The following SLC22A25 variants were observed in gnomAD, a reference collection of about 807,000 sequenced individuals.
SLC22A25 encodes MGI:2442751, MGI:2385316, MGI:3042283, MGI:3645714, MGI:3605624, MGI:2442750.
SLC22A25 carries 44 observed loss-of-function variants against 45.9 expected under a neutral mutation model. That is an observed-to-expected ratio of 0.96 (90% CI 0.75 to 1.23). The LOEUF (loss-of-function observed/expected upper bound fraction) is 1.23, where lower values mean the gene tolerates loss of function less well. Ranked by LOEUF, SLC22A25 falls within the 50% of genes most tolerant of loss-of-function variation. The pLI is 0.00. For missense variants in SLC22A25, 800 were observed against 666.4 expected (o/e 1.20, Z -2.21); for synonymous variants, 283 against 238.6 (o/e 1.19, Z -1.72).
chr11:63,216,754 A>T (rs1418413912), intron 7 of SLC22A25, among the ~76,000 whole-genome samples: 4 of 152,232 alleles, frequency 2.6e-5, no homozygotes, highest in African/African-American at 9.6e-5. Flanking sequence ...TGTACAACGA[A>T]TCCTCATTAT....
chr11:63,168,330 C>G (rs2087757457), intron 9 of SLC22A25, among the ~76,000 whole-genome samples: 1 of 152,084 alleles, frequency 6.6e-6, no homozygotes, highest in Admixed American at 6.5e-5. Context: ...GACAAATTGA[C>G]AGAAGTAGGC....
At chr11:63,186,006 G>T (rs7927252) in intron 7 of SLC22A25, among the ~76,000 whole-genome samples, 3 of 151,842 alleles carry the variant, frequency 2.0e-5, no homozygotes, top group East Asian at 1.9e-4. Context: ...ATAAACATAC[G>T]TGTGCATGTG....
chr11:63,235,404 A>G (rs2090146156), intron 3 of SLC22A25, among the ~76,000 whole-genome samples: 1 of 152,052 alleles, frequency 6.6e-6, no homozygotes, highest in South Asian at 2.1e-4. Context: ...TTGATCTTCC[A>G]TCACTCATAC....
intron 7 of SLC22A25, among the ~76,000 whole-genome samples, chr11:63,202,121 T>C (rs914087381): frequency 5.3e-5 from 8 of 152,168 alleles, no homozygotes; most frequent in Non-Finnish European, 8.8e-5. Context: ...GCCCAGATAC[T>C]ATGCTTTTCA....
intron 7 of SLC22A25, among the ~76,000 whole-genome samples, chr11:63,197,016 G>C (rs1045116558): frequency 6.6e-6 from 1 of 152,052 alleles, no homozygotes; most frequent in African/African-American, 2.4e-5. Flanking sequence ...TTACTTCAAA[G>C]AGAATAAAAT....
At chr11:63,209,960 G>C (rs1486141342) in intron 7 of SLC22A25, among the ~76,000 whole-genome samples, 2 of 152,196 alleles carry the variant, frequency 1.3e-5, no homozygotes, top group African/African-American at 4.8e-5. Context: ...ACATGGAATG[G>C]CTGCAGCTAT....
intron 7 of SLC22A25, among the ~76,000 whole-genome samples, chr11:63,203,026 T>C (rs1369382784): frequency 1.3e-5 from 2 of 151,906 alleles, no homozygotes; most frequent in African/African-American, 2.4e-5. Flanking sequence ...GGGTCTGGAG[T>C]GGACCTCCAG....
chr11:63,210,159 A>G (rs2089519040), intron 7 of SLC22A25, among the ~76,000 whole-genome samples: 1 of 152,218 alleles, frequency 6.6e-6, no homozygotes, highest in South Asian at 2.1e-4. Context: ...GATAAAAATG[A>G]CCTTTGTCAG....
chr11:63,164,747 CT>C (rs770227415), intron 10 of SLC22A25, 113 bp from the exon 11 acceptor site: 85 of 800,716 alleles, frequency 1.1e-4, no homozygotes, highest in Non-Finnish European at 1.5e-4. Context: ...GTAAAATGTA[CT>C]GTAGGAAAAC....
At chr11:63,217,273 C>T in intron 7 of SLC22A25, 41 bp downstream of exon 7, 1 of 1,596,662 alleles carries the variant, frequency 6.3e-7, no homozygotes. Flanking sequence ...CATCTGCATT[C>T]AAGGATGTCA....
chr11:63,167,410 C>T (rs1359069595), intron 9 of SLC22A25: 6 of 152,350 alleles, frequency 3.9e-5, no homozygotes, highest in African/African-American at 1.4e-4. Context: ...AAGCTAAGAA[C>T]CACTGGCTTG....
At chr11:63,183,863 AT>A in intron 7 of SLC22A25, 46 bp from the exon 8 acceptor site, 1 of 1,609,266 alleles carries the variant, frequency 6.2e-7, no homozygotes, top group African/African-American at 1.3e-5. Context: ...CTACTTACTC[AT>A]TTTTTCACAT....
Position 63,163,934 on chromosome 11 carries a change from C to A in SLC22A25, c.1534G>T (p.Val512Phe). The A allele has an allele frequency of 6.2e-7, 1 of 1,613,848 alleles. No individual in the cohort carries two copies. The highest frequency in any genetic ancestry group is 8.5e-7 in the Non-Finnish European group (1 of 1,179,916). ...TTCCTGGTTTCAGGAAGGAGGAGGA[C>A]AACAAGGCCAGAGAGGATGGCAAAG... ...GVFAILSGLV[V>F]LLLPETRNQP... The change falls in exon 12 of 12, where the codon GTC becomes TTC. Residue 512 changes from valine to phenylalanine, a missense_variant. Transcript: ENST00000306494.
At chr11:63,204,717 C>A (rs190967994) in intron 7 of SLC22A25, among the ~76,000 whole-genome samples, 1 of 152,262 alleles carries the variant, frequency 6.6e-6, no homozygotes, top group Non-Finnish European at 1.5e-5. Context: ...TATTGGGAGA[C>A]TTTAACACCC....
At position 63,238,829 on chromosome 11, in the gene SLC22A25, G is replaced by A. The variant is rs2090204654; in HGVS notation, c.-689C>T. On this transcript the variant is annotated 5_prime_UTR_variant, in exon 2 of 12. Coordinates refer to ENST00000306494, the MANE Select transcript of SLC22A25 (RefSeq NM_199352.6). ...AATGTCCCATTCAGGTGAAGGAGCT[G>A]CCACTGGGGATGGATGAAGTGACAA... 7.9e-6 allele frequency: 2 copies of A among 252,532 alleles called. No homozygotes were observed. Among genetic ancestry groups the A allele is most frequent in the South Asian group, 1.4e-4 (2 of 14,058 alleles). 15.6% of individuals were successfully genotyped at this position (252,532 alleles called of 1,614,324 possible). A position where few individuals can be genotyped will look rare whatever the true frequency, so the allele number is the denominator to read the frequency against.
intron 3 of SLC22A25, among the ~76,000 whole-genome samples, chr11:63,236,054 A>G (rs2090156916): frequency 6.6e-6 from 1 of 152,058 alleles, no homozygotes; most frequent in African/African-American, 2.4e-5. Flanking sequence ...TCCACCCCTA[A>G]TGGGGGGTGC....
At chr11:63,194,123 A>G (rs868329023) in intron 7 of SLC22A25, among the ~76,000 whole-genome samples, 2 of 152,226 alleles carry the variant, frequency 1.3e-5, no homozygotes, top group African/African-American at 4.8e-5. Flanking sequence ...AAAAGAGAGT[A>G]AAAAGAAATG....
In SLC22A25 at chr11:63,219,769, T is replaced by C. The variant is rs1565116201; in HGVS notation, c.507-2034A>G. On this transcript the variant is annotated intron_variant, in intron 5 of 11. Transcript: ENST00000306494. ...TCTCCTGCCTGGTACCACTACCTTATCTTGCACCACCCTATGATCCATTAA... is the reference window on the plus strand; with the variant it reads ...TCTCCTGCCTGGTACCACTACCTTACCTTGCACCACCCTATGATCCATTAA... 6.5e-6 allele frequency: 3 copies of C among 462,744 alleles called. No homozygotes were observed. In the East Asian group the frequency reaches 2.1e-4, roughly 33 times the overall value. 28.7% of individuals were successfully genotyped at this position (462,744 alleles called of 1,614,324 possible).
rs536488166 is a variant in SLC22A25, at chr11:63,185,615, C to A, written c.831-1798G>T. Among the ~76,000 whole-genome samples the A allele has an allele frequency of 3.4e-3, 512 of 149,334 alleles. 2 individuals carry two copies. Among genetic ancestry groups the A allele is most frequent in the African/African-American group, 0.011 (461 of 40,422 alleles). ...TGTGCAGGTTAGTTACATATGTATA[C>A]ATGTGCCATGCTGGTGCGCTGCACC... On this transcript the variant is annotated intron_variant, in intron 7 of 11. Transcript: ENST00000306494.
Sources: gnomAD v4.1 joint callset for allele counts (sites outside exome capture counted in the v4.1 genomes callset) on GRCh38, gnomAD v4.1.1 for gene constraint, MANE v1.5 for transcripts, NCBI Gene and HGNC (gene_info 2026-07-23, HGNC 2026-07-21) for gene names.